The following HOMER1 variants were observed in gnomAD, a reference collection of about 807,000 sequenced individuals.
HOMER1 encodes homer protein homolog 1.
HOMER1 carries 3 observed loss-of-function variants against 48.9 expected under a neutral mutation model. The observed-to-expected ratio is 0.06, with a 90% CI of 0.03 to 0.16. The LOEUF (loss-of-function observed/expected upper bound fraction) is 0.16, where lower values mean the gene tolerates loss of function less well. HOMER1 is among the 10% of genes least tolerant of loss of function. The probability of loss-of-function intolerance (pLI) is 1.00; values close to 1 mark genes in which losing one functional copy is unlikely to be tolerated. For missense variants in HOMER1, 247 were observed against 411.4 expected, an observed-to-expected ratio of 0.60 and a Z score of 3.46; for synonymous variants, 134 against 146.4, an observed-to-expected ratio of 0.92 and a Z score of 0.61.
At chr5:79,511,685 CCTA>C (rs1752948909) in intron 1 of HOMER1, among the ~76,000 whole-genome samples, 1 of 152,202 alleles carries the variant, frequency 6.6e-6, no homozygotes, top group African/African-American at 2.4e-5. Context: ...AGGAACGTCT[CCTA>C]CAACATGCTC....
chr5:79,492,719 T>A (rs1296571484), intron 1 of HOMER1, among the ~76,000 whole-genome samples: 1 of 152,038 alleles, frequency 6.6e-6, no homozygotes, highest in Admixed American at 6.6e-5. Flanking sequence ...ATTGGTGATA[T>A]TTTGGCAAAC....
intron 5 of HOMER1, among the ~76,000 whole-genome samples, chr5:79,430,878 AAT>A (rs1371165767): frequency 6.6e-6 from 1 of 152,154 alleles, no homozygotes; most frequent in Non-Finnish European, 1.5e-5. Context: ...CGGAGGTTGC[AAT>A]GAGCTGAGAT....
At chr5:79,453,879 T>G in intron 2 of HOMER1, among the ~76,000 whole-genome samples, 1 of 151,964 alleles carries the variant, frequency 6.6e-6, no homozygotes, top group East Asian at 1.9e-4. Flanking sequence ...TTTAGCTGAG[T>G]CAAATAAACC....
chr5:79,440,179 T>G (rs1750702163), intron 4 of HOMER1, among the ~76,000 whole-genome samples: 1 of 152,194 alleles, frequency 6.6e-6, no homozygotes, highest in South Asian at 2.1e-4. Context: ...AAGACAAATA[T>G]GAGCAATGTA....
At chr5:79,500,927 TTGTGTG>T (rs367742665) in intron 1 of HOMER1, among the ~76,000 whole-genome samples, 7 of 124,360 alleles carry the variant, frequency 5.6e-5, no homozygotes, top group African/African-American at 1.8e-4. Context: ...ACCCAGCCAT[TTGTGTG>T]TGTGTGTGTG....
At chr5:79,503,025 G>C (rs975875180) in intron 1 of HOMER1, among the ~76,000 whole-genome samples, 2 of 152,036 alleles carry the variant, frequency 1.3e-5, no homozygotes, top group Non-Finnish European at 2.9e-5. Flanking sequence ...CTGACCTCGT[G>C]ATCTGCCCGC....
chr5:79,447,748 A>T (rs1750923273), intron 3 of HOMER1, among the ~76,000 whole-genome samples: 1 of 152,214 alleles, frequency 6.6e-6, no homozygotes, highest in Non-Finnish European at 1.5e-5. Context: ...AACAATTTCA[A>T]AACAAAAATT....
intron 1 of HOMER1, among the ~76,000 whole-genome samples, chr5:79,512,012 A>T (rs1332857336): frequency 6.6e-6 from 1 of 152,242 alleles, no homozygotes; most frequent in East Asian, 1.9e-4. Flanking sequence ...CTAGCATTTC[A>T]TCAACCCACA....
chr5:79,398,293 A>G (rs1171218869), intron 6 of HOMER1, among the ~76,000 whole-genome samples: 2 of 142,434 alleles, frequency 1.4e-5, no homozygotes, highest in Non-Finnish European at 3.0e-5. Flanking sequence ...AGCAATAGAC[A>G]GAAGTCAATA....
Position 79,447,164 on chromosome 5 carries a change from C to T in HOMER1, c.295-19G>A. On this transcript the variant is annotated intron_variant, in intron 3 of 8. Coordinates refer to ENST00000334082, the MANE Select transcript of HOMER1 (RefSeq NM_004272.5). ...CTGCAAACTGAATGTATAGAGACTA[C>T]ATACATTAACCAAATAAAAATAGGT... is the stretch of plus-strand genomic sequence containing the variant. The T allele has an allele frequency of 3.4e-6, 5 of 1,456,864 alleles. No homozygotes were observed. Among genetic ancestry groups the T allele is most frequent in the South Asian group, 1.1e-5 (1 of 87,922 alleles). 90.2% of individuals were successfully genotyped at this position (1,456,864 alleles called of 1,614,324 possible).
chr5:79,416,753 C>T (rs968580442), intron 5 of HOMER1, among the ~76,000 whole-genome samples: 1 of 152,200 alleles, frequency 6.6e-6, no homozygotes, highest in Non-Finnish European at 1.5e-5. Flanking sequence ...GTTTCACTTC[C>T]ACTTTGTATC....
intron 5 of HOMER1, among the ~76,000 whole-genome samples, chr5:79,416,849 A>G (rs1749955729): frequency 6.6e-6 from 1 of 152,222 alleles, no homozygotes; most frequent in South Asian, 2.1e-4. Flanking sequence ...CTCTTTTAGG[A>G]AGGAGATGTG....
intron 5 of HOMER1, among the ~76,000 whole-genome samples, chr5:79,414,024 A>C (rs1241208462): frequency 1.3e-5 from 2 of 152,166 alleles, no homozygotes; most frequent in African/African-American, 4.8e-5. Flanking sequence ...TCATTAACTT[A>C]CTAAACACAG....
rs992083998 is a variant in HOMER1 at position 79,398,332 on chromosome 5, T to C, written c.685-695A>G. On this transcript the variant is annotated intron_variant, in intron 6 of 8. Coordinates refer to ENST00000334082, the MANE Select transcript of HOMER1 (RefSeq NM_004272.5). ...ATACACACACACACACACACACACA[T>C]GCACACACACACCCTATCACAGTTC... 2.2e-4 allele frequency among the ~76,000 whole-genome samples: 28 copies of C among 127,546 alleles called. 1 individual carries two copies. The East Asian group carries it at 2.8e-3, about 13-fold the overall frequency. 83.7% of individuals were successfully genotyped at this position (127,546 alleles called of 152,430 possible).
chr5:79,394,720 C>T (rs1476164727), intron 8 of HOMER1, among the ~76,000 whole-genome samples: 1 of 152,162 alleles, frequency 6.6e-6, no homozygotes, highest in Admixed American at 6.5e-5. Context: ...CACACCACCA[C>T]TCCCAGCTAA....
chr5:79,377,669 A>C (rs1017063893), intron 8 of HOMER1, among the ~76,000 whole-genome samples: 3 of 152,226 alleles, frequency 2.0e-5, no homozygotes, highest in African/African-American at 7.2e-5. Flanking sequence ...GGACAGTGGA[A>C]ATTTTAAAAA....
intron 1 of HOMER1, among the ~76,000 whole-genome samples, chr5:79,464,185 A>C (rs894321286): frequency 6.6e-6 from 1 of 150,962 alleles, no homozygotes; most frequent in Non-Finnish European, 1.5e-5. Flanking sequence ...AGAATCAAAG[A>C]ATGACAATTT....
At chr5:79,500,831 G>A (rs1042600059) in intron 1 of HOMER1, among the ~76,000 whole-genome samples, 26 of 151,640 alleles carry the variant, frequency 1.7e-4, no homozygotes, top group Non-Finnish European at 3.2e-4. Context: ...TGCCATGTTG[G>A]CCAGGCTGGT....
rs1352584854 is a variant in HOMER1, at chr5:79,441,858, AT to A, written c.388-2710del. ...TCCAGAAATTTTGCATATGCTAAAA[AT>A]AGTACTTGAAACATGTTTTTTATTT... is the stretch of plus-strand genomic sequence containing the variant. On this transcript the variant is annotated intron_variant, in intron 4 of 8. Transcript: ENST00000334082. Among the ~76,000 whole-genome samples, 12 of 152,270 alleles carry A rather than the reference AT, an allele frequency of 7.9e-5. 1 individual carries two copies. Among genetic ancestry groups the A allele is most frequent in the African/African-American group, 2.9e-4 (12 of 41,560 alleles).
Sources: allele counts gnomAD v4.1 joint callset (sites outside exome capture counted in the v4.1 genomes callset), GRCh38; gene constraint gnomAD v4.1.1; transcripts MANE v1.5; gene names NCBI Gene and HGNC (gene_info 2026-07-23, HGNC 2026-07-21).